UBE3B: variants seen among roughly 807,000 people sequenced by gnomAD.
UBE3B encodes ubiquitin protein ligase E3B.
UBE3B carries 80 observed loss-of-function variants against 132.3 expected under a neutral mutation model. The ratio of observed to expected loss-of-function variants is 0.60; its 90% CI spans 0.50 to 0.73. UBE3B has a LOEUF of 0.73. UBE3B is among the 30% of genes least tolerant of loss of function. The probability of loss-of-function intolerance (pLI) is 0.00; values close to 1 mark genes in which losing one functional copy is unlikely to be tolerated. For missense variants in UBE3B, 1,196 were observed against 1,362.5 expected (o/e 0.88, Z 1.92); for synonymous variants, 487 against 520.4 (o/e 0.94, Z 0.87).
chr12:109,483,421 T>G, intron 2 of UBE3B, 110 bp from the exon 3 acceptor site: 1 of 1,170,960 alleles, frequency 8.5e-7, no homozygotes, highest in Non-Finnish European at 1.1e-6. Flanking sequence ...TGACAGGTCC[T>G]GAGTATCTCT....
chr12:109,541,409 C>T (rs1219430494), downstream of UBE3B, among the ~76,000 whole-genome samples: 2 of 152,186 alleles, frequency 1.3e-5, no homozygotes, highest in Non-Finnish European at 2.9e-5. Flanking sequence ...CTCGGAGATT[C>T]ATTTTCCCCA....
At chr12:109,509,483 A>G (rs1416258932) in intron 15 of UBE3B, 113 bp from the exon 16 acceptor site, 3 of 664,032 alleles carry the variant, frequency 4.5e-6, no homozygotes, top group African/African-American at 3.6e-5. Flanking sequence ...AAGTATCTCT[A>G]CAAGATAAAG....
At chr12:109,540,422 G>T (rs117189706), downstream of UBE3B, among the ~76,000 whole-genome samples, 15 of 152,190 alleles carry the variant, frequency 9.9e-5, no homozygotes, top group African/African-American at 3.6e-4. Context: ...TATTGCCCAC[G>T]CTGGTCTTGA....
intron 4 of UBE3B, among the ~76,000 whole-genome samples, chr12:109,485,235 CAGCTGTTA>C (rs1465891242): frequency 2.0e-5 from 3 of 152,202 alleles, no homozygotes; most frequent in Non-Finnish European, 2.9e-5. Context: ...TCCAAGTTAC[CAGCTGTTA>C]GGCTGTTAGG....
chr12:109,486,195 A>G, intron 5 of UBE3B, 124 bp downstream of exon 5: 1 of 1,022,054 alleles, frequency 9.8e-7, no homozygotes, highest in Non-Finnish European at 1.4e-6. Flanking sequence ...GTGGATGGAA[A>G]ACATTACCAA....
At chr12:109,524,339 GT>G in intron 22 of UBE3B, 98 bp from the exon 23 acceptor site, 1 of 1,458,908 alleles carries the variant, frequency 6.9e-7, no homozygotes, top group Non-Finnish European at 9.4e-7. Context: ...GCAGCCATGG[GT>G]GTTCCCAGCA....
At chr12:109,516,176 T>C (rs1213989224) in intron 18 of UBE3B, among the ~76,000 whole-genome samples, 5 of 137,882 alleles carry the variant, frequency 3.6e-5, no homozygotes, top group South Asian at 2.5e-4. Flanking sequence ...TCTTTTTTTT[T>C]TTTTTTTTTT....
At chr12:109,499,887 C>T (rs989320857) in intron 12 of UBE3B, 77 bp downstream of exon 12, 26 of 1,347,092 alleles carry the variant, frequency 1.9e-5, no homozygotes, top group Non-Finnish European at 2.5e-5. Context: ...TTTCTTCCAG[C>T]TTGTGGTGTT....
intron 8 of UBE3B, chr12:109,490,593 A>C (rs1358776568): frequency 2.0e-6 from 3 of 1,535,910 alleles, no homozygotes; most frequent in Non-Finnish European, 2.6e-6. Flanking sequence ...TTGTCTCGCT[A>C]GAGGAACCTT....
intron 11 of UBE3B, among the ~76,000 whole-genome samples, chr12:109,498,819 A>C (rs1265388817): frequency 2.6e-5 from 4 of 151,660 alleles, no homozygotes. Context: ...AGATAGGAAA[A>C]GTTTTTTTTG....
chr12:109,534,166 A>G lies in UBE3B; in HGVS notation c.3016-425A>G, dbSNP rs1883238639. The G allele has an allele frequency of 7.9e-6, 10 of 1,261,692 alleles. No homozygotes were observed. Among genetic ancestry groups the G allele is most frequent in the Non-Finnish European group, 1.0e-5 (10 of 978,760 alleles). 78.2% of individuals were successfully genotyped at this position (1,261,692 alleles called of 1,614,324 possible). On this transcript the variant is annotated intron_variant, in intron 27 of 27. Coordinates refer to ENST00000342494, the MANE Select transcript of UBE3B (RefSeq NM_130466.4). The surrounding 1 kb of genome is among the most constrained non-coding windows in gnomAD (Gnocchi z 5.2). ...TGCCACCTTGTACAGGAAGCTACAC[A>G]GTCCTCGGCCTCCATGCTTAAGGGA...
intron 1 of UBE3B, among the ~76,000 whole-genome samples, 172 bp downstream of exon 1, chr12:109,478,281 A>T (rs1358880118): frequency 1.3e-5 from 2 of 152,116 alleles, no homozygotes; most frequent in Non-Finnish European, 2.9e-5. Flanking sequence ...GCAATCTTGC[A>T]CTCTCAACTT....
chr12:109,490,030 G>GCAACTTCTCCACTCTC (rs1286863723), intron 8 of UBE3B, 26 bp downstream of exon 8: 1 of 1,606,910 alleles, frequency 6.2e-7, no homozygotes, highest in South Asian at 1.1e-5. Flanking sequence ...CCCCCAGTGT[G>GCAACTTCTCCACTCTC]CAACTTCTCC....
intron 8 of UBE3B, chr12:109,490,777 T>G: frequency 7.3e-7 from 1 of 1,375,886 alleles, no homozygotes; most frequent in Non-Finnish European, 9.4e-7. Context: ...TTCTTCCCTT[T>G]CCTTTTATAA....
intron 24 of UBE3B, among the ~76,000 whole-genome samples, chr12:109,529,258 T>C (rs1882705358): frequency 6.6e-6 from 1 of 152,160 alleles, no homozygotes; most frequent in South Asian, 2.1e-4. Flanking sequence ...CTTTATGCAG[T>C]TGTAGTTGAG....
At chr12:109,493,789 G>A (rs2287192) in intron 9 of UBE3B, among the ~76,000 whole-genome samples, 25,724 of 152,110 alleles carry the variant, frequency 0.17, 2,233 homozygotes, top group African/African-American at 0.18. Context: ...ACTTTTACAC[G>A]TATTAACTGA....
chr12:109,484,674 G>A (rs1043916085), intron 4 of UBE3B, among the ~76,000 whole-genome samples: 15 of 151,908 alleles, frequency 9.9e-5, no homozygotes, highest in Non-Finnish European at 1.9e-4. Context: ...ACAGGCGTGA[G>A]CCACTGTACC....
Position 109,499,355 on chromosome 12 carries a change from GATC to G in UBE3B, c.941-272_941-270del, listed in dbSNP as rs1878659497. Among the ~76,000 whole-genome samples, 15 of 152,304 alleles carry G rather than the reference GATC, an allele frequency of 9.8e-5. No homozygotes were observed. The South Asian group carries it at 3.1e-3, about 32-fold the overall frequency. On this transcript the variant is annotated intron_variant, in intron 11 of 27. Coordinates refer to ENST00000342494, the MANE Select transcript of UBE3B (RefSeq NM_130466.4). Reference sequence around the variant, plus strand: ...ACTTCATCCTCATATGGAGAGTAGGGATCATCATTCCAATCTTACAAATGAAGA... The same window carrying G: ...ACTTCATCCTCATATGGAGAGTAGGGATCATTCCAATCTTACAAATGAAGA...
At chr12:109,517,561 G>T (rs1327093775) in intron 19 of UBE3B, among the ~76,000 whole-genome samples, 1 of 152,246 alleles carries the variant, frequency 6.6e-6, no homozygotes. Context: ...AACTACCTAC[G>T]ATGTCTGTGT....
Sources: gnomAD v4.1 joint callset for allele counts (sites outside exome capture counted in the v4.1 genomes callset) on GRCh38, gnomAD v4.1.1 for gene constraint, Gnocchi (gnomAD v3.1) non-coding constraint, MANE v1.5 for transcripts, NCBI Gene and HGNC (gene_info 2026-07-23, HGNC 2026-07-21) for gene names.